The following LRRC7 variants were observed in gnomAD, a reference collection of about 807,000 sequenced individuals.
LRRC7 encodes the protein leucine rich repeat containing 7.
In LRRC7, 23 loss-of-function variants were observed where a neutral mutation model predicts 175.7. That is an observed-to-expected ratio of 0.13 (90% confidence interval 0.09 to 0.19). The LOEUF (loss-of-function observed/expected upper bound fraction) is 0.19. Ranked by LOEUF, LRRC7 falls within the 10% of genes least tolerant of loss-of-function variation. The pLI, the probability that LRRC7 is intolerant of heterozygous loss-of-function variation, is 1.00. For missense variants in LRRC7, 1,354 were observed against 1,904.7 expected, an observed-to-expected ratio of 0.71 and a Z score of 5.38; for synonymous variants, 685 against 680.9, an observed-to-expected ratio of 1.01 and a Z score of -0.09.
At chr1:69,834,212 G>T (rs1384987851) in intron 5 of LRRC7, among the ~76,000 whole-genome samples, 1 of 151,884 alleles carries the variant, frequency 6.6e-6, no homozygotes, top group African/African-American at 2.4e-5. Context: ...TAATAAATAT[G>T]AATTAGACCA....
chr1:69,898,117 C>T (rs528493927), intron 7 of LRRC7, among the ~76,000 whole-genome samples: 5 of 152,088 alleles, frequency 3.3e-5, no homozygotes, highest in Non-Finnish European at 2.9e-5. Flanking sequence ...ATTCATAGGG[C>T]TTGGTGAATA....
intron 1 of LRRC7, among the ~76,000 whole-genome samples, chr1:69,632,258 T>C (rs1040422056): frequency 4.6e-5 from 7 of 152,110 alleles, no homozygotes. Context: ...CTTCCCCAGA[T>C]ACTTCACATT....
In LRRC7 at chr1:70,136,754, G is replaced by A. The variant is rs1208643134; in HGVS notation, c.*14867G>A. Reference sequence around the variant, plus strand: ...TTTTTTTTTTTTTTTTTCTGAGACAGGGTCTTGCTCTGTCACCCAGGTTGG... The same window carrying A: ...TTTTTTTTTTTTTTTTTCTGAGACAAGGTCTTGCTCTGTCACCCAGGTTGG... On this transcript the variant is annotated 3_prime_UTR_variant, in exon 27 of 27. Coordinates refer to ENST00000651989, the MANE Select transcript of LRRC7 (RefSeq NM_001370785.2). 1.6e-5 allele frequency among the ~76,000 whole-genome samples: 2 copies of A among 127,094 alleles called. No individual in the cohort carries two copies. The allele number at this position is 127,094 out of a possible 152,430, so 83.4% of individuals were successfully genotyped here. A position where few individuals can be genotyped will look rare whatever the true frequency, so the allele number is the denominator to read the frequency against.
At chr1:69,782,833 G>T (rs1673924751) in intron 3 of LRRC7, among the ~76,000 whole-genome samples, 1 of 152,248 alleles carries the variant, frequency 6.6e-6, no homozygotes, top group Non-Finnish European at 1.5e-5. Flanking sequence ...TGGGCTTCAG[G>T]TGGTTTGCAA....
chr1:69,852,572 C>T (rs965918705), intron 7 of LRRC7, among the ~76,000 whole-genome samples: 1 of 152,136 alleles, frequency 6.6e-6, no homozygotes, highest in African/African-American at 2.4e-5. Context: ...GGCAAGAGTT[C>T]ACTGCAGATG....
intron 1 of LRRC7, among the ~76,000 whole-genome samples, chr1:69,668,248 A>G (rs548627457): frequency 1.1e-4 from 16 of 152,182 alleles, no homozygotes; most frequent in African/African-American, 3.6e-4. Context: ...TGCACCCATC[A>G]ACCCATCATC....
At chr1:69,950,624 T>G (rs957926392) in intron 8 of LRRC7, among the ~76,000 whole-genome samples, 21 of 152,110 alleles carry the variant, frequency 1.4e-4, no homozygotes, top group African/African-American at 4.6e-4. Flanking sequence ...ATCAACATTT[T>G]TATTGTAAAC....
chr1:70,090,641 A>G (rs1341502607), intron 25 of LRRC7, among the ~76,000 whole-genome samples: 1 of 152,108 alleles, frequency 6.6e-6, no homozygotes, highest in Non-Finnish European at 1.5e-5. Flanking sequence ...AACCTCATCA[A>G]ATTGCATTAA....
At chr1:69,647,140 C>A (rs1030003338) in intron 1 of LRRC7, among the ~76,000 whole-genome samples, 6 of 152,054 alleles carry the variant, frequency 3.9e-5, no homozygotes, top group Non-Finnish European at 8.8e-5. Context: ...ATTTTCAGGT[C>A]TTTTGGTCTT....
chr1:69,767,331 C>T (rs1029080568), intron 3 of LRRC7, among the ~76,000 whole-genome samples: 5 of 152,090 alleles, frequency 3.3e-5, no homozygotes, highest in African/African-American at 4.8e-5. Context: ...TTTTATATTA[C>T]ACATATGTGT....
At chr1:69,780,019 C>T (rs1673304410) in intron 3 of LRRC7, among the ~76,000 whole-genome samples, 1 of 152,192 alleles carries the variant, frequency 6.6e-6, no homozygotes, top group African/African-American at 2.4e-5. Context: ...AGCTGTGTCA[C>T]TCTGCTCACT....
rs917516565 is a variant in LRRC7 at position 69,775,143 on chromosome 1, C to T, written c.303+14750C>T. 6.0e-4 allele frequency among the ~76,000 whole-genome samples: 91 copies of T among 152,144 alleles called. 1 individual carries two copies. Among genetic ancestry groups the T allele is most frequent in the African/African-American group, 2.0e-3 (85 of 41,520 alleles). On this transcript the variant is annotated intron_variant, in intron 3 of 26. Transcript: ENST00000651989. ...TCCTTTTGAAAATGATTTATCAATG[C>T]GTCTTATAAAAGCCACACTAATAAA...
chr1:69,699,798 A>T (rs746424288), intron 2 of LRRC7, among the ~76,000 whole-genome samples: 8 of 152,166 alleles, frequency 5.3e-5, no homozygotes, highest in Non-Finnish European at 1.0e-4. Context: ...TGCTTTCAGC[A>T]TGGAGATAAA....
intron 2 of LRRC7, among the ~76,000 whole-genome samples, chr1:69,728,688 G>T (rs1667239954): frequency 1.3e-5 from 2 of 152,064 alleles, no homozygotes; most frequent in South Asian, 2.1e-4. Context: ...ATAGAGAATA[G>T]AACTTATTTG....
intron 7 of LRRC7, among the ~76,000 whole-genome samples, chr1:69,907,942 T>C (rs1476710997): frequency 6.6e-6 from 1 of 152,222 alleles, no homozygotes; most frequent in Non-Finnish European, 1.5e-5. Context: ...TTTCAGAGGC[T>C]GTTATTGATC....
intron 8 of LRRC7, among the ~76,000 whole-genome samples, chr1:69,966,760 G>A (rs532543053): frequency 1.2e-4 from 19 of 152,322 alleles, no homozygotes; most frequent in Middle Eastern, 3.4e-3. Flanking sequence ...ACCTTACCTG[G>A]AGCTGAGTCA....
chr1:69,789,660 ACT>A (rs1050722466), intron 3 of LRRC7, among the ~76,000 whole-genome samples: 1 of 151,930 alleles, frequency 6.6e-6, no homozygotes, highest in African/African-American at 2.4e-5. Flanking sequence ...GGAATATAGC[ACT>A]CTCTTTATTT....
In LRRC7 at chr1:69,654,935, C is replaced by A. The variant is rs558861646; in HGVS notation, c.3-23446C>A. On this transcript the variant is annotated intron_variant, in intron 1 of 26. Transcript: ENST00000651989. ...AAATTATCCATTCCAAATATGTTGG[C>A]CAATATTTCAAATAGTTTGGCTTCA... Among the ~76,000 whole-genome samples, 37 of 152,094 alleles carry A rather than the reference C, an allele frequency of 2.4e-4. No homozygotes were observed. In the South Asian group the frequency reaches 7.3e-3, roughly 30 times the overall value.
At chr1:69,994,244 A>C (rs1329617605) in intron 10 of LRRC7, among the ~76,000 whole-genome samples, 2 of 152,196 alleles carry the variant, frequency 1.3e-5, no homozygotes, top group African/African-American at 4.8e-5. Context: ...AAAAATTTCA[A>C]CTGGTCCATT....
Sources: gnomAD v4.1 joint callset for allele counts (sites outside exome capture counted in the v4.1 genomes callset) on GRCh38, gnomAD v4.1.1 for gene constraint, MANE v1.5 for transcripts, NCBI Gene and HGNC (gene_info 2026-07-23, HGNC 2026-07-21) for gene names.